The following PYGB variants were observed in gnomAD, a reference collection of about 807,000 sequenced individuals.
PYGB encodes the protein glycogen phosphorylase B.
Under a neutral mutation model 94.3 loss-of-function variants are expected in PYGB, and 82 were observed. The ratio of observed to expected loss-of-function variants is 0.87; its 90% CI spans 0.73 to 1.04. The LOEUF is 1.04. Among genes scored for constraint, PYGB ranks in the 50% least tolerant of loss-of-function variants. The pLI is 0.00. For missense variants in PYGB, 1,132 were observed against 1,158.2 expected, an observed-to-expected ratio of 0.98 and a Z score of 0.33; for synonymous variants, 488 against 479.1, an observed-to-expected ratio of 1.02 and a Z score of -0.24.
chr20:25,286,846 C>G (rs2088422493), intron 14 of PYGB, among the ~76,000 whole-genome samples: 1 of 152,230 alleles, frequency 6.6e-6, no homozygotes, highest in African/African-American at 2.4e-5. Context: ...ACCCTGTCCC[C>G]TGCCCACTGT....
At chr20:25,248,947 G>T (rs2092879579) in intron 1 of PYGB, among the ~76,000 whole-genome samples, 1 of 152,234 alleles carries the variant, frequency 6.6e-6, no homozygotes, top group Non-Finnish European at 1.5e-5. Context: ...CCTGCTTCAC[G>T]CAGGGAGGGG....
chr20:25,282,226 C>G, intron 12 of PYGB, 79 bp downstream of exon 12: 5 of 1,224,480 alleles, frequency 4.1e-6, no homozygotes, highest in Non-Finnish European at 4.6e-6. Flanking sequence ...CCCTGCTGAG[C>G]GGTTGCTGAG....
intron 18 of PYGB, chr20:25,294,733 T>A (rs377293964): frequency 3.2e-6 from 2 of 623,228 alleles, no homozygotes; most frequent in Non-Finnish European, 2.9e-6. Flanking sequence ...GGATTTCACT[T>A]GCAACGATGT....
Position 25,283,072 on chromosome 20 carries a change from G to A in PYGB, c.1519-104G>A, listed in dbSNP as rs192511602. 6.2e-3 allele frequency: 6,000 copies of A among 960,088 alleles called. 30 individuals are homozygous for A. Among genetic ancestry groups the A allele is most frequent in the Middle Eastern group, 0.017 (72 of 4,318 alleles). The allele number at this position is 960,088 out of a possible 1,614,324, so 59.5% of individuals were successfully genotyped here. Reference sequence around the variant, plus strand: ...GAGGGGCCGGACAAGCAGATCCCAGGGGAAAGCAGGGGCGTGGGCAACAAT... The same window carrying A: ...GAGGGGCCGGACAAGCAGATCCCAGAGGAAAGCAGGGGCGTGGGCAACAAT... On this transcript the variant is annotated intron_variant, in intron 12 of 19. Transcript: ENST00000216962.
intron 16 of PYGB, among the ~76,000 whole-genome samples, chr20:25,290,974 G>A (rs1401941266): frequency 6.6e-6 from 1 of 151,962 alleles, no homozygotes; most frequent in African/African-American, 2.4e-5. Flanking sequence ...GGCAGGACCT[G>A]CCTGGCCTGC....
chr20:25,288,292 G>A (rs745873226), intron 14 of PYGB, 133 bp from the exon 15 acceptor site: 6 of 1,030,902 alleles, frequency 5.8e-6, no homozygotes, highest in African/African-American at 1.6e-5. Context: ...TGTCACCCGT[G>A]TCTCTGGGGC....
At chr20:25,280,038 A>G (rs188545919) in intron 9 of PYGB, among the ~76,000 whole-genome samples, 2 of 152,238 alleles carry the variant, frequency 1.3e-5, no homozygotes. Flanking sequence ...CACGCACTGG[A>G]CCATAATGTC....
chr20:25,263,671 G>A (rs901697070), intron 2 of PYGB, among the ~76,000 whole-genome samples: 2 of 152,134 alleles, frequency 1.3e-5, no homozygotes, highest in African/African-American at 4.8e-5. Flanking sequence ...AAATAAACTA[G>A]AAAATCTAGA....
Position 25,274,603 on chromosome 20 carries a change from C to T in PYGB, c.540C>T (p.Ala180=), listed in dbSNP as rs35481467. 2.6e-4 allele frequency: 413 copies of T among 1,613,174 alleles called. 2 individuals carry two copies. The African/African-American group carries it at 4.4e-3, about 17-fold the overall frequency. ...KIVNGWQVEE[A]DDWLRYGNPW... The stretch of plus-strand genomic sequence containing the variant: ...TGGCTTCTTTCCAGGTAGAGGAGGC[C>T]GATGACTGGCTGCGCTACGGCAACC... The change falls in exon 5 of 20, where the codon GCC becomes GCT. Residue 180 remains alanine, a synonymous_variant. Coordinates refer to ENST00000216962, the MANE Select transcript of PYGB (RefSeq NM_002862.4).
chr20:25,282,288 G>A lies in PYGB; in HGVS notation c.1518+141G>A, dbSNP rs1004191019. Reference sequence around the variant, plus strand: ...TGACCTGCAGGCTTCTGGACATGAGGGCTGAGCCCCTGAACATGGGCGCTG... The same window carrying A: ...TGACCTGCAGGCTTCTGGACATGAGAGCTGAGCCCCTGAACATGGGCGCTG... On this transcript the variant is annotated intron_variant, in intron 12 of 19. Transcript: ENST00000216962. The A allele has an allele frequency of 7.1e-6, 5 of 702,946 alleles. No individual in the cohort carries two copies. In the East Asian group the frequency reaches 1.4e-4, roughly 19 times the overall value. 43.5% of individuals were successfully genotyped at this position (702,946 alleles called of 1,614,324 possible).
intron 14 of PYGB, among the ~76,000 whole-genome samples, chr20:25,286,834 T>C (rs368629229): frequency 5.3e-5 from 8 of 152,246 alleles, no homozygotes; most frequent in African/African-American, 1.9e-4. Context: ...AGGACTCCCA[T>C]GACCCTGTCC....
At chr20:25,287,959 C>T (rs550803156) in intron 14 of PYGB, among the ~76,000 whole-genome samples, 3 of 152,242 alleles carry the variant, frequency 2.0e-5, no homozygotes, top group East Asian at 1.9e-4. Flanking sequence ...CCAGCCTGGG[C>T]GACAGAGTGA....
In PYGB at chr20:25,292,488, C is replaced by G. The variant is rs1228292045; in HGVS notation, c.2052C>G (p.Leu684=). The G allele has an allele frequency of 6.2e-7, 1 of 1,613,642 alleles. No homozygotes were observed. The highest frequency in any genetic ancestry group is 8.5e-7 in the Non-Finnish European group (1 of 1,180,000). The part of the protein sequence containing the change: ...ASGTGNMKFM[L]NGALTIGTMD... ...GCACAGGCAACATGAAGTTCATGCT[C>G]AACGGGGCCCTCACCATCGGCACCA... The change falls in exon 17 of 20, where the codon CTC becomes CTG. Residue 684 remains leucine, a synonymous_variant. Coordinates refer to ENST00000216962, the MANE Select transcript of PYGB (RefSeq NM_002862.4).
chr20:25,292,439 C>G lies in PYGB; in HGVS notation c.2003C>G (p.Ser668Cys). 6.2e-7 allele frequency: 1 copy of G among 1,613,248 alleles called. No homozygotes were observed. Among genetic ancestry groups the G allele is most frequent in the Non-Finnish European group, 8.5e-7 (1 of 1,179,962 alleles). The change falls in exon 17 of 20, where the codon TCC becomes TGC. Residue 668 changes from serine to cysteine, a missense_variant. Physicochemically the swap from Ser to Cys is moderately radical, Grantham distance 112. Transcript: ENST00000216962. ...GCCGCTGATCTGTCGCAGCAGATCT[C>G]CACTGCAGGCACCGAGGCCTCAGGC... ...IPAADLSQQI[S>C]TAGTEASGTG...
At chr20:25,272,918 G>A (rs1256058189) in intron 4 of PYGB, among the ~76,000 whole-genome samples, 1 of 152,202 alleles carries the variant, frequency 6.6e-6, no homozygotes, top group Non-Finnish European at 1.5e-5. Flanking sequence ...TATTGGTGGT[G>A]GTTTTTGTTT....
chr20:25,272,611 TAAAATGTTGGTAAAG>T (rs757515146), intron 4 of PYGB, among the ~76,000 whole-genome samples: 5 of 152,240 alleles, frequency 3.3e-5, no homozygotes, highest in Non-Finnish European at 7.3e-5. Flanking sequence ...ACGCTCATAA[TAAAATGTTGGTAAAG>T]AAAAGAAATG....
In PYGB at chr20:25,296,498, G is replaced by GC. The variant is rs759183743; in HGVS notation, c.2514dup (p.Asn839GlnfsTer22). 4.8e-5 allele frequency: 78 copies of GC among 1,613,362 alleles called. 1 individual carries two copies. The South Asian group carries it at 6.5e-4, about 13-fold the overall frequency. On this transcript the variant is annotated frameshift_variant, in exon 20 of 20. Transcript: ENST00000216962. LOFTEE classifies it high-confidence loss of function. ...TGGAGCCCTCCGACCTGCAGATCCCGCCCCCCAACATCCCCCGGGACTAGG... is the reference window on the plus strand; with the variant it reads ...TGGAGCCCTCCGACCTGCAGATCCCGCCCCCCCAACATCCCCCGGGACTAGG...
intron 12 of PYGB, 95 bp downstream of exon 12, chr20:25,282,242 A>C: frequency 1.9e-6 from 2 of 1,028,178 alleles, no homozygotes; most frequent in Non-Finnish European, 2.8e-6. Context: ...CTGAGTAGGC[A>C]GGAGTCTGTC....
chr20:25,260,709 C>G (rs11699953), intron 2 of PYGB, among the ~76,000 whole-genome samples: 63,966 of 152,134 alleles, frequency 0.42, 15,033 homozygotes, highest in East Asian at 0.92. Context: ...CACAAGGGAT[C>G]AGGGAATTCC....
Sources: allele counts gnomAD v4.1 joint callset (sites outside exome capture counted in the v4.1 genomes callset), GRCh38; gene constraint gnomAD v4.1.1; transcripts MANE v1.5; gene names NCBI Gene and HGNC (gene_info 2026-07-23, HGNC 2026-07-21).